Variants in HOMER1 observed in about 807,000 individuals in gnomAD.
The protein encoded by HOMER1 is homer protein homolog 1.
Under a neutral mutation model 48.9 loss-of-function variants are expected in HOMER1, and 3 were observed. That is an observed-to-expected ratio of 0.06 (90% CI 0.03 to 0.16). The LOEUF is 0.16. Among genes scored for constraint, HOMER1 ranks in the 10% least tolerant of loss-of-function variants. The pLI is 1.00. For missense variants in HOMER1, 247 were observed against 411.4 expected, an observed-to-expected ratio of 0.60 and a Z score of 3.46; for synonymous variants, 134 against 146.4, an observed-to-expected ratio of 0.92 and a Z score of 0.61.
intron 1 of HOMER1, among the ~76,000 whole-genome samples, chr5:79,501,364 C>G (rs1394021137): frequency 6.6e-6 from 1 of 152,132 alleles, no homozygotes; most frequent in Non-Finnish European, 1.5e-5. Flanking sequence ...TGTTAATCAA[C>G]TGTTTATGTT....
chr5:79,450,199 A>G (rs952552564), intron 3 of HOMER1, among the ~76,000 whole-genome samples: 12 of 152,322 alleles, frequency 7.9e-5, no homozygotes, highest in African/African-American at 2.6e-4. Context: ...GAATGCTTCA[A>G]ACAGAGGTTT....
intron 8 of HOMER1, among the ~76,000 whole-genome samples, chr5:79,396,555 T>C (rs1218102493): frequency 1.3e-5 from 2 of 148,238 alleles, no homozygotes; most frequent in Non-Finnish European, 3.0e-5. Context: ...ACCCAGAGTA[T>C]TTTTTTTTAA....
chr5:79,443,748 G>A lies in HOMER1; in HGVS notation c.387+3305C>T, dbSNP rs1170761459. ...TATAGAGGAAGAAAAACAGAGACTT[G>A]CCTAAGCTCAGAAAACTATTAAGGG... On this transcript the variant is annotated intron_variant, in intron 4 of 8. Coordinates refer to ENST00000334082, the MANE Select transcript of HOMER1 (RefSeq NM_004272.5). Among the ~76,000 whole-genome samples the A allele has an allele frequency of 2.0e-5, 3 of 152,254 alleles. No individual in the cohort carries two copies. The East Asian group carries it at 5.8e-4, about 29-fold the overall frequency.
At chr5:79,426,257 A>G (rs948431005) in intron 5 of HOMER1, among the ~76,000 whole-genome samples, 9 of 152,124 alleles carry the variant, frequency 5.9e-5, no homozygotes, top group Admixed American at 3.3e-4. Flanking sequence ...TGATCCAGCA[A>G]TCCCACTGCT....
chr5:79,465,346 GA>G (rs200165267), intron 1 of HOMER1, among the ~76,000 whole-genome samples: 1 of 148,842 alleles, frequency 6.7e-6, no homozygotes, highest in Non-Finnish European at 1.5e-5. Flanking sequence ...CTTTAAAAAA[GA>G]AAAAAAAATG....
At chr5:79,477,735 G>A (rs1751823485) in intron 1 of HOMER1, among the ~76,000 whole-genome samples, 1 of 152,236 alleles carries the variant, frequency 6.6e-6, no homozygotes, top group Non-Finnish European at 1.5e-5. Context: ...CAATGACATG[G>A]ATGCTTCAGC....
At chr5:79,392,960 A>AGAGAGAGAGAG (rs1428349763) in intron 8 of HOMER1, among the ~76,000 whole-genome samples, 1 of 145,370 alleles carries the variant, frequency 6.9e-6, no homozygotes, top group African/African-American at 2.6e-5. Flanking sequence ...AAAGGGAGAG[A>AGAGAGAGAGAG]GAGAGAGAGA....
intron 8 of HOMER1, among the ~76,000 whole-genome samples, chr5:79,380,947 C>T (rs751708111): frequency 6.6e-6 from 1 of 152,020 alleles, no homozygotes. Flanking sequence ...CCCACCACTG[C>T]CATCGTCCAT....
At chr5:79,452,471 C>T (rs184836358) in intron 2 of HOMER1, among the ~76,000 whole-genome samples, 4 of 152,300 alleles carry the variant, frequency 2.6e-5, no homozygotes, top group East Asian at 3.9e-4. Context: ...TAGTAATAGA[C>T]AGATGTTAAC....
At chr5:79,413,608 C>T (rs1256219988) in intron 5 of HOMER1, among the ~76,000 whole-genome samples, 1 of 151,798 alleles carries the variant, frequency 6.6e-6, no homozygotes. Flanking sequence ...CCATACCTTC[C>T]CTGTATCTTC....
At chr5:79,460,282 C>T (rs1397614437) in intron 1 of HOMER1, among the ~76,000 whole-genome samples, 1 of 152,166 alleles carries the variant, frequency 6.6e-6, no homozygotes, top group African/African-American at 2.4e-5. Flanking sequence ...GCTTAGGCAA[C>T]ATGACAAAAC....
At chr5:79,405,557 C>T (rs1046786485) in intron 5 of HOMER1, among the ~76,000 whole-genome samples, 1 of 152,006 alleles carries the variant, frequency 6.6e-6, no homozygotes, top group Non-Finnish European at 1.5e-5. Flanking sequence ...AATTTTTGTC[C>T]AATTTTTTCT....
chr5:79,415,787 T>C (rs1749928134), intron 5 of HOMER1, among the ~76,000 whole-genome samples: 2 of 152,210 alleles, frequency 1.3e-5, no homozygotes, highest in Non-Finnish European at 2.9e-5. Flanking sequence ...TTATTAAACA[T>C]CTGTATTAAG....
At chr5:79,502,472 A>C (rs1458026267) in intron 1 of HOMER1, among the ~76,000 whole-genome samples, 2 of 152,194 alleles carry the variant, frequency 1.3e-5, no homozygotes, top group African/African-American at 4.8e-5. Flanking sequence ...AAGATTGAGA[A>C]AGACTAAAAA....
intron 1 of HOMER1, among the ~76,000 whole-genome samples, chr5:79,484,959 A>G (rs930937824): frequency 1.3e-5 from 2 of 152,088 alleles, no homozygotes; most frequent in Non-Finnish European, 2.9e-5. Context: ...GGCCAACAAC[A>G]GCTGTTCTCT....
At chr5:79,405,957 G>C (rs1413151294) in intron 5 of HOMER1, among the ~76,000 whole-genome samples, 1 of 152,122 alleles carries the variant, frequency 6.6e-6, no homozygotes, top group Non-Finnish European at 1.5e-5. Context: ...TACGGTAACA[G>C]GGATTTCATC....
At chr5:79,426,494 A>G (rs1420138094) in intron 5 of HOMER1, among the ~76,000 whole-genome samples, 15 of 152,078 alleles carry the variant, frequency 9.9e-5, no homozygotes, top group Non-Finnish European at 2.2e-4. Context: ...TGTCATTTGC[A>G]ACAACATGAA....
intron 1 of HOMER1, among the ~76,000 whole-genome samples, chr5:79,480,738 T>C (rs937781056): frequency 6.6e-6 from 1 of 152,210 alleles, no homozygotes; most frequent in East Asian, 1.9e-4. Context: ...TTTTCATAAC[T>C]GAAAACCCAC....
chr5:79,469,095 T>C (rs992039474), intron 1 of HOMER1, among the ~76,000 whole-genome samples: 8 of 152,192 alleles, frequency 5.3e-5, no homozygotes, highest in African/African-American at 1.4e-4. Flanking sequence ...TATGGTCCTT[T>C]GGTATAAAAT....
Sources: gnomAD v4.1 joint callset for allele counts (sites outside exome capture counted in the v4.1 genomes callset) on GRCh38, gnomAD v4.1.1 for gene constraint, MANE v1.5 for transcripts, NCBI Gene and HGNC (gene_info 2026-07-23, HGNC 2026-07-21) for gene names.